SLC17A5: variants seen among roughly 807,000 people sequenced by gnomAD.
SLC17A5 encodes the protein solute carrier family 17 member 5.
In SLC17A5, 47 loss-of-function variants were observed where a neutral mutation model predicts 59.4. That is an observed-to-expected ratio of 0.79 (90% CI 0.63 to 1.01). The LOEUF (loss-of-function observed/expected upper bound fraction) is 1.01, where lower values mean the gene tolerates loss of function less well. SLC17A5 is among the 50% of genes least tolerant of loss of function. SLC17A5 has a pLI of 0.00. For synonymous variants in SLC17A5, 202 were observed against 210.7 expected, an observed-to-expected ratio of 0.96 and a Z score of 0.36; for missense variants, 522 against 595.5, an observed-to-expected ratio of 0.88 and a Z score of 1.28.
intron 10 of SLC17A5, among the ~76,000 whole-genome samples, chr6:73,596,857 A>AAAAACAAAAC (rs57573396): frequency 0.37 from 55,737 of 148,926 alleles, 10,756 homozygotes; most frequent in African/African-American, 0.43. Flanking sequence ...ACTCCCTCTC[A>AAAAACAAAAC]AAAACAAAAC....
intron 1 of SLC17A5, chr6:73,653,164 A>T (rs1438183139): frequency 2.7e-5 from 27 of 985,270 alleles, no homozygotes; most frequent in Non-Finnish European, 3.0e-5. Context: ...CTTACTGCAC[A>T]ATGTCAAGAT....
In SLC17A5 at chr6:73,629,319, C is replaced by G. The variant is rs145350519; in HGVS notation, c.819+6063G>C. ...GGGAGGATGGCTTGAACCCGGGAGG[C>G]AGAGGGAGGCTGCAGTGAGCCAAGA... is the stretch of plus-strand genomic sequence containing the variant. On this transcript the variant is annotated intron_variant, in intron 6 of 10. Transcript: ENST00000355773. 2.4e-3 allele frequency among the ~76,000 whole-genome samples: 359 copies of G among 152,210 alleles called. 1 individual carries two copies. Among genetic ancestry groups the G allele is most frequent in the African/African-American group, 8.0e-3 (332 of 41,532 alleles).
chr6:73,601,444 C>T (rs1323583048), intron 9 of SLC17A5, among the ~76,000 whole-genome samples: 4 of 139,970 alleles, frequency 2.9e-5, no homozygotes, highest in African/African-American at 1.0e-4. Flanking sequence ...GCCAGCCGCC[C>T]CGTCCGGGAG....
intron 1 of SLC17A5, among the ~76,000 whole-genome samples, chr6:73,650,038 G>T (rs991122750): frequency 1.3e-5 from 2 of 151,972 alleles, no homozygotes; most frequent in African/African-American, 2.4e-5. Flanking sequence ...CAAAGAAGGG[G>T]GCAAGGGAAT....
chr6:73,638,492 G>T lies in SLC17A5; in HGVS notation c.533C>A (p.Thr178Lys), dbSNP rs1769129176. Residue 178 changes from threonine to lysine, a missense_variant, in exon 4 of 11, where the codon ACA becomes AAA. Physicochemically the swap from Thr to Lys is moderately conservative, Grantham distance 78. This residue lies in a region of SLC17A5 where 338 missense variants were observed against 363.8 expected (regional missense o/e 0.93). Coordinates refer to ENST00000355773, the MANE Select transcript of SLC17A5 (RefSeq NM_012434.5). ...RALEGLGEGV[T>K]FPAMHAMWSS... ...CCACATGGCATGCATGGCTGGAAAT[G>T]TAACACCCTGAGAGAAGGGAACATG... 1 of 1,612,482 alleles carries T rather than the reference G, an allele frequency of 6.2e-7. No individual in the cohort carries two copies. The highest frequency in any genetic ancestry group is 1.1e-5 in the South Asian group (1 of 91,044).
chr6:73,596,637 A>ATT (rs1766813186), intron 10 of SLC17A5, among the ~76,000 whole-genome samples: 1 of 151,632 alleles, frequency 6.6e-6, no homozygotes, highest in Non-Finnish European at 1.5e-5. Context: ...CGGGCGGATC[A>ATT]TGAGGTCAGG....
At chr6:73,607,034 A>G (rs1359945545) in intron 9 of SLC17A5, among the ~76,000 whole-genome samples, 1 of 152,208 alleles carries the variant, frequency 6.6e-6, no homozygotes, top group Non-Finnish European at 1.5e-5. Flanking sequence ...CCTTTCTGAA[A>G]GCACACCAAT....
chr6:73,645,733 A>C lies in SLC17A5; in HGVS notation c.95-1130T>G, dbSNP rs1008384123. Among the ~76,000 whole-genome samples, 3 of 145,652 alleles carry C rather than the reference A, an allele frequency of 2.1e-5. No homozygotes were observed. In the East Asian group the frequency reaches 6.5e-4, roughly 31 times the overall value. On this transcript the variant is annotated intron_variant, in intron 1 of 10. Transcript: ENST00000355773. ...AACCCGGGAGGCGGAGCTTGCAGCG[A>C]GAGGAGATCGCGCCACTGCACTCCA...
At chr6:73,598,986 A>G (rs1158707277) in intron 10 of SLC17A5, among the ~76,000 whole-genome samples, 1 of 149,840 alleles carries the variant, frequency 6.7e-6, no homozygotes, top group Non-Finnish European at 1.5e-5. Flanking sequence ...CTCCGTCTCA[A>G]AAAAAAAAAC....
intron 6 of SLC17A5, among the ~76,000 whole-genome samples, chr6:73,632,434 CTTTTTTTTTTTTT>C (rs1163170650): frequency 3.5e-5 from 3 of 86,792 alleles, no homozygotes; most frequent in African/African-American, 1.2e-4. Context: ...GTAGAGAAAG[CTTTTTTTTTTTTT>C]TTTTTTTTTT....
chr6:73,600,793 G>T (rs1581953575), intron 9 of SLC17A5, among the ~76,000 whole-genome samples: 1 of 152,126 alleles, frequency 6.6e-6, no homozygotes, highest in Non-Finnish European at 1.5e-5. Flanking sequence ...GAGCCACAGC[G>T]CCTGGCTGCT....
chr6:73,621,852 T>C lies in SLC17A5; in HGVS notation c.930A>G (p.Thr310=). 6.2e-7 allele frequency: 1 copy of C among 1,613,228 alleles called. No homozygotes were observed. Among genetic ancestry groups the C allele is most frequent in the Non-Finnish European group, 8.5e-7 (1 of 1,179,246 alleles). The part of the protein sequence containing the change: ...SYNWTFYTLL[T]LLPTYMKEIL... ...TCTCCTTCATATAAGTAGGCAATAA[T>C]GTCAATAAAGTATAAAAAGTCCAGT... Residue 310 remains threonine, a synonymous_variant, in exon 7 of 11, where the codon ACA becomes ACG. Coordinates refer to ENST00000355773, the MANE Select transcript of SLC17A5 (RefSeq NM_012434.5).
rs563644519 is a variant in SLC17A5 at position 73,617,116 on chromosome 6, C to G, written c.979-1669G>C. Among the ~76,000 whole-genome samples, 54 of 151,778 alleles carry G rather than the reference C, an allele frequency of 3.6e-4. No homozygotes were observed. In the South Asian group the frequency reaches 4.6e-3, roughly 13 times the overall value. On this transcript the variant is annotated intron_variant, in intron 7 of 10. Transcript: ENST00000355773. Reference sequence around the variant, plus strand: ...ACCAGCCTGGTCAACATGGCAAAACCCTGTATCTACTAAAAATACAAAAAA... The same window carrying G: ...ACCAGCCTGGTCAACATGGCAAAACGCTGTATCTACTAAAAATACAAAAAA...
In SLC17A5 at chr6:73,636,644, C is replaced by T; in HGVS notation, c.677G>A (p.Trp226Ter). The change falls in exon 5 of 11, where the codon TGG (tryptophan) becomes TAG (stop). Residue 226 changes from tryptophan (W) to a stop codon, truncating the protein, a stop_gained. Coordinates refer to ENST00000355773, the MANE Select transcript of SLC17A5 (RefSeq NM_012434.5). LOFTEE classifies it high-confidence loss of function. ...ACCAAAAAAGTAGAAGACATAAGTC[C>T]AATTCATATAGTAGCAAATTATTCC... ...LSGIICYYMN[W>*]TYVFYFFGTI... 1 of 1,607,348 alleles carries T rather than the reference C, an allele frequency of 6.2e-7. No homozygotes were observed.
intron 8 of SLC17A5, 110 bp from the exon 9 acceptor site, chr6:73,610,657 A>G (rs1767603389): frequency 1.7e-6 from 2 of 1,195,610 alleles, no homozygotes; most frequent in East Asian, 2.5e-5. Context: ...CTGTAGAAAC[A>G]CTATATTGCC....
At chr6:73,602,069 A>C (rs1767149007) in intron 9 of SLC17A5, among the ~76,000 whole-genome samples, 1 of 151,800 alleles carries the variant, frequency 6.6e-6, no homozygotes, top group African/African-American at 2.4e-5. Context: ...TAGACATGGG[A>C]GACTTTTCAT....
Position 73,644,493 on chromosome 6 carries a change from CT to C in SLC17A5, c.204del (p.Asp69IlefsTer6), listed in dbSNP as rs1057516549. ...VNLSVALVDM[V>X]DSNTTLEDNR... ...TTATCTTCTAAAGTTGTATTTGAAT[CT>C]ACCATATCCACTAACGCAACACTCA... On this transcript the variant is annotated frameshift_variant, in exon 2 of 11. Coordinates refer to ENST00000355773, the MANE Select transcript of SLC17A5 (RefSeq NM_012434.5). LOFTEE classifies it high-confidence loss of function. The C allele has an allele frequency of 6.2e-7, 1 of 1,613,996 alleles. No homozygotes were observed. The highest frequency in any genetic ancestry group is 1.1e-5 in the South Asian group (1 of 91,076).
At chr6:73,632,946 T>C (rs781304677) in intron 6 of SLC17A5, among the ~76,000 whole-genome samples, 48 of 152,112 alleles carry the variant, frequency 3.2e-4, no homozygotes, top group Non-Finnish European at 5.0e-4. Context: ...AAAAAGTGGG[T>C]AACTCAATTA....
At chr6:73,652,329 T>C (rs1769911651) in intron 1 of SLC17A5, among the ~76,000 whole-genome samples, 1 of 152,254 alleles carries the variant, frequency 6.6e-6, no homozygotes, top group African/African-American at 2.4e-5. Flanking sequence ...ATTTACGTGA[T>C]AAATGTATAC....
Sources: allele counts gnomAD v4.1 joint callset (sites outside exome capture counted in the v4.1 genomes callset), GRCh38; gene constraint gnomAD v4.1.1; regional missense constraint gnomAD v4.1.1; transcripts MANE v1.5; gene names NCBI Gene and HGNC (gene_info 2026-07-23, HGNC 2026-07-21).